The following KDM6A variants were observed in gnomAD, a reference collection of about 807,000 sequenced individuals.
KDM6A encodes lysine demethylase 6A.
KDM6A carries 11 observed loss-of-function variants against 117.6 expected under a neutral mutation model. The observed-to-expected ratio is 0.09, with a 90% CI of 0.06 to 0.15. The LOEUF (loss-of-function observed/expected upper bound fraction) is 0.15, where lower values mean the gene tolerates loss of function less well. Ranked by LOEUF, KDM6A falls within the 10% of genes least tolerant of loss-of-function variation. KDM6A has a pLI of 1.00. For missense variants in KDM6A, 799 were observed against 1,077.3 expected, an observed-to-expected ratio of 0.74 and a Z score of 3.62; for synonymous variants, 384 against 396.1, an observed-to-expected ratio of 0.97 and a Z score of 0.36.
At chrX:45,025,030 C>T (rs192055369) in intron 6 of KDM6A, among the ~76,000 whole-genome samples, 6 of 112,348 alleles carry the variant, frequency 5.3e-5, no homozygotes, top group East Asian at 5.6e-4. Flanking sequence ...ATTCTTAATT[C>T]GTGAACTAGT....
chrX:45,032,183 T>C (rs1404133309), intron 6 of KDM6A, among the ~76,000 whole-genome samples: 1 of 112,239 alleles, frequency 8.9e-6, no homozygotes, highest in African/African-American at 3.2e-5. Flanking sequence ...GTTTCAGCAC[T>C]GCAGTATTTC....
chrX:45,076,902 A>G (rs1439711337), intron 19 of KDM6A, 76 bp downstream of exon 19: 17 of 895,051 alleles, frequency 1.9e-5, no homozygotes, highest in Non-Finnish European at 2.6e-5. Context: ...TTAAATTTAC[A>G]TGGATGCCCT....
intron 9 of KDM6A, 96 bp downstream of exon 9, chrX:45,051,898 C>G: frequency 3.9e-6 from 2 of 511,449 alleles, no homozygotes; most frequent in East Asian, 7.4e-5. Context: ...TATTCTATTC[C>G]TTTGCTCAGA....
intron 27 of KDM6A, among the ~76,000 whole-genome samples, chrX:45,099,792 TG>T: frequency 8.9e-6 from 1 of 111,893 alleles, no homozygotes; most frequent in Non-Finnish European, 1.9e-5. Flanking sequence ...CCCAACACTT[TG>T]GGAGGCCAAG....
At chrX:45,048,211 A>T (rs2043667973) in intron 8 of KDM6A, among the ~76,000 whole-genome samples, 1 of 108,455 alleles carries the variant, frequency 9.2e-6, no homozygotes, top group Admixed American at 9.9e-5. Context: ...GTAATTTCAC[A>T]GCTGGTTTTC....
chrX:44,937,671 G>A (rs1332218850), intron 2 of KDM6A, among the ~76,000 whole-genome samples: 1 of 111,646 alleles, frequency 9.0e-6, no homozygotes, highest in East Asian at 2.8e-4. Context: ...CTGAGACACA[G>A]TATTGAAATT....
intron 9 of KDM6A, among the ~76,000 whole-genome samples, chrX:45,052,290 T>C (rs2043888351): frequency 8.9e-6 from 1 of 112,119 alleles, no homozygotes; most frequent in Admixed American, 9.5e-5. Context: ...ACCAAAAAGA[T>C]AGTGAAAGAA....
chrX:44,982,273 G>A (rs1388141554), intron 4 of KDM6A, among the ~76,000 whole-genome samples: 1 of 111,086 alleles, frequency 9.0e-6, no homozygotes, highest in African/African-American at 3.3e-5. Flanking sequence ...GTATTTTTTT[G>A]TACATTGATT....
chrX:44,936,938 G>GTAAA (rs2037002028), intron 2 of KDM6A, among the ~76,000 whole-genome samples: 1 of 111,104 alleles, frequency 9.0e-6, no homozygotes, highest in East Asian at 2.8e-4. Flanking sequence ...ACCTTTATCA[G>GTAAA]GCTTTAGAAG....
chrX:45,044,302 C>T (rs190037603), intron 8 of KDM6A, among the ~76,000 whole-genome samples: 3 of 111,786 alleles, frequency 2.7e-5, no homozygotes, highest in East Asian at 2.8e-4. Flanking sequence ...ATAGTATTAA[C>T]GGGGCTTCTT....
At chrX:45,020,202 CTTATTT>C (rs932111368) in intron 5 of KDM6A, among the ~76,000 whole-genome samples, 2 of 111,584 alleles carry the variant, frequency 1.8e-5, no homozygotes, top group South Asian at 3.7e-4. Flanking sequence ...AGAAAGAAGA[CTTATTT>C]TTATAGAGTA....
At chrX:44,993,860 G>A (rs1017067032) in intron 4 of KDM6A, among the ~76,000 whole-genome samples, 5 of 111,423 alleles carry the variant, frequency 4.5e-5, no homozygotes, top group African/African-American at 6.5e-5. Flanking sequence ...GTGAGACTCC[G>A]TCTCAAGAAA....
intron 4 of KDM6A, among the ~76,000 whole-genome samples, chrX:44,975,788 C>T (rs962446034): frequency 8.9e-6 from 1 of 111,878 alleles, no homozygotes; most frequent in African/African-American, 3.3e-5. Context: ...TCCACCCAGC[C>T]CACAGGTGTT....
intron 2 of KDM6A, among the ~76,000 whole-genome samples, chrX:44,911,119 C>CG (rs1326863432): frequency 9.7e-6 from 1 of 103,219 alleles, no homozygotes; most frequent in Non-Finnish European, 2.0e-5. Flanking sequence ...GCTGGCCGGG[C>CG]GGGGGCTGGC....
At position 45,069,716 on chromosome X, in the gene KDM6A, C is replaced by T. The variant is rs761345406; in HGVS notation, c.2217C>T (p.Ser739=). Residue 739 remains serine, a synonymous_variant, in exon 18 of 30, where the codon AGC becomes AGT. Coordinates refer to ENST00000611820, the MANE Select transcript of KDM6A (RefSeq NM_001291415.2). ...QNQNGHPTLP[S]NSVTQGAALN... ...AGAACGGACATCCCACCCTGCCTAG[C>T]AATTCAGTAACACAGGGGGCTGCTC... The T allele has an allele frequency of 5.8e-6, 7 of 1,207,817 alleles. No homozygotes were observed. Among genetic ancestry groups the T allele is most frequent in the Non-Finnish European group, 6.7e-6 (6 of 894,332 alleles).
At chrX:44,876,061 C>A (rs1384076259) in intron 2 of KDM6A, among the ~76,000 whole-genome samples, 1 of 111,149 alleles carries the variant, frequency 9.0e-6, no homozygotes, top group African/African-American at 3.3e-5. Context: ...ATGTTTGGGG[C>A]CTTCATGATA....
chrX:44,933,591 T>C (rs1196566025), intron 2 of KDM6A, among the ~76,000 whole-genome samples: 1 of 105,324 alleles, frequency 9.5e-6, no homozygotes, highest in Non-Finnish European at 2.0e-5. Flanking sequence ...TGTTTGTTTG[T>C]TTTTGAGACG....
intron 2 of KDM6A, among the ~76,000 whole-genome samples, chrX:44,902,396 C>CT (rs370587724): frequency 0.072 from 7,365 of 102,036 alleles, 725 homozygotes; most frequent in African/African-American, 0.25. Flanking sequence ...CCATTTCTAC[C>CT]TTTTTTTTTT....
intron 4 of KDM6A, among the ~76,000 whole-genome samples, chrX:45,007,252 A>T (rs966915347): frequency 8.9e-6 from 1 of 112,058 alleles, no homozygotes; most frequent in Non-Finnish European, 1.9e-5. Flanking sequence ...CAGTGCCTCT[A>T]CTCAGTCCTC....
Sources: gnomAD v4.1 joint callset for allele counts (sites outside exome capture counted in the v4.1 genomes callset) on GRCh38, gnomAD v4.1.1 for gene constraint, MANE v1.5 for transcripts, NCBI Gene and HGNC (gene_info 2026-07-23, HGNC 2026-07-21) for gene names.